Variants in JAKMIP3 observed in about 807,000 individuals in gnomAD.
The protein encoded by JAKMIP3 is janus kinase and microtubule-interacting protein 3.
Under a neutral mutation model 118.5 loss-of-function variants are expected in JAKMIP3, and 58 were observed. That is an observed-to-expected ratio of 0.49 (90% CI 0.40 to 0.61). The LOEUF is 0.61. JAKMIP3 is among the 20% of genes least tolerant of loss of function. JAKMIP3 has a pLI of 0.00. For missense variants in JAKMIP3, 950 were observed against 1,109.0 expected, an observed-to-expected ratio of 0.86 and a Z score of 2.04; for synonymous variants, 486 against 451.2, an observed-to-expected ratio of 1.08 and a Z score of -0.98.
At chr10:132,082,098 T>C (rs536694411) in intron 1 of JAKMIP3, among the ~76,000 whole-genome samples, 1 of 150,850 alleles carries the variant, frequency 6.6e-6, no homozygotes, top group Non-Finnish European at 1.5e-5. Flanking sequence ...ATTTTTATTA[T>C]TTTGCTTCCC....
intron 1 of JAKMIP3, among the ~76,000 whole-genome samples, chr10:132,070,437 C>T (rs567093847): frequency 4.0e-4 from 61 of 152,270 alleles, no homozygotes; most frequent in African/African-American, 1.3e-3. Flanking sequence ...CGTGAGCCAC[C>T]GCGCCCGACC....
intron 23 of JAKMIP3, among the ~76,000 whole-genome samples, chr10:132,170,805 A>G (rs1455265644): frequency 6.6e-6 from 1 of 152,200 alleles, no homozygotes; most frequent in African/African-American, 2.4e-5. Flanking sequence ...CCACAGGCTC[A>G]TTGTGGACAA....
chr10:132,122,839 A>C (rs574515774), intron 3 of JAKMIP3, among the ~76,000 whole-genome samples: 2 of 152,304 alleles, frequency 1.3e-5, no homozygotes, highest in South Asian at 4.1e-4. Flanking sequence ...CTCCCTGCCC[A>C]GAAGGTTGTG....
At position 132,153,842 on chromosome 10, in the gene JAKMIP3, C is replaced by T; in HGVS notation, c.2142+15C>T. 6.2e-7 allele frequency: 1 copy of T among 1,613,088 alleles called. No homozygotes were observed. The highest frequency in any genetic ancestry group is 8.5e-7 in the Non-Finnish European group (1 of 1,179,764). On this transcript the variant is annotated intron_variant, in intron 18 of 23. Coordinates refer to ENST00000684848, the MANE Select transcript of JAKMIP3 (RefSeq NM_001323087.2). ...AGAGCGAGAAGGTTGGTGGCACCTTCACCGAGGTTCTGCGGCTCGGTGCTG... is the reference window on the plus strand; with the variant it reads ...AGAGCGAGAAGGTTGGTGGCACCTTTACCGAGGTTCTGCGGCTCGGTGCTG...
At chr10:132,128,677 T>G (rs528428326) in intron 3 of JAKMIP3, among the ~76,000 whole-genome samples, 167 of 152,360 alleles carry the variant, frequency 1.1e-3, no homozygotes, top group Non-Finnish European at 2.3e-3. Context: ...AGTCTGCTTT[T>G]AAACCTTTGT....
chr10:132,102,747 C>T (rs2045181380), intron 1 of JAKMIP3, among the ~76,000 whole-genome samples: 1 of 152,214 alleles, frequency 6.6e-6, no homozygotes, highest in African/African-American at 2.4e-5. Context: ...GTCCTGCCAC[C>T]TCCGCTGGTC....
At position 132,168,301 on chromosome 10, in the gene JAKMIP3, C is replaced by T. The variant is rs1213826715; in HGVS notation, c.*371C>T. 7.8e-6 allele frequency: 10 copies of T among 1,289,364 alleles called. No homozygotes were observed. Among genetic ancestry groups the T allele is most frequent in the Admixed American group, 2.3e-5 (1 of 43,544 alleles). The allele number at this position is 1,289,364 out of a possible 1,614,324, so 79.9% of individuals were successfully genotyped here. On this transcript the variant is annotated 3_prime_UTR_variant, in exon 23 of 24. Coordinates refer to ENST00000684848, the MANE Select transcript of JAKMIP3 (RefSeq NM_001323087.2). ...GAGAACTGCTTCTGTGCAGAAGCAC[C>T]AGCCGCGGGTCCCCTCCTCTCTCTT... is the stretch of plus-strand genomic sequence containing the variant.
intron 1 of JAKMIP3, among the ~76,000 whole-genome samples, chr10:132,077,153 A>G (rs531325416): frequency 1.3e-5 from 2 of 152,306 alleles, no homozygotes; most frequent in East Asian, 1.9e-4. Context: ...GCTCGTGAGC[A>G]AAAGGGTTTT....
intron 1 of JAKMIP3, among the ~76,000 whole-genome samples, chr10:132,095,083 C>G (rs954841451): frequency 6.6e-6 from 1 of 152,180 alleles, no homozygotes; most frequent in South Asian, 2.1e-4. Context: ...ACTGTGTCCC[C>G]CACAGCAGCC....
At chr10:132,108,000 T>C (rs369928100) in intron 2 of JAKMIP3, among the ~76,000 whole-genome samples, 1 of 152,062 alleles carries the variant, frequency 6.6e-6, no homozygotes, top group Non-Finnish European at 1.5e-5. Flanking sequence ...GCTCCAGGAG[T>C]TGGGTCCGGG....
At position 132,183,066 on chromosome 10, in the gene JAKMIP3, T is replaced by C; in HGVS notation, c.*1813T>C. On this transcript the variant is annotated 3_prime_UTR_variant, in exon 24 of 24. Coordinates refer to ENST00000684848, the MANE Select transcript of JAKMIP3 (RefSeq NM_001323087.2). The stretch of plus-strand genomic sequence containing the variant: ...TTTGCGTCTCGAGTCTGAAATCCTG[T>C]TTAGTCCTCTGTGCATAGTTTTGTC... 6.6e-6 allele frequency: 1 copy of C among 152,212 alleles called. No homozygotes were observed. The allele number at this position is 152,212 out of a possible 1,614,324, so 9.4% of individuals were successfully genotyped here. A position where few individuals can be genotyped will look rare whatever the true frequency, so the allele number is the denominator to read the frequency against.
chr10:132,072,127 C>A (rs1253929711), intron 1 of JAKMIP3, among the ~76,000 whole-genome samples: 1 of 151,850 alleles, frequency 6.6e-6, no homozygotes, highest in African/African-American at 2.4e-5. Context: ...AATTTTTATA[C>A]TTTTAGTTGA....
intron 1 of JAKMIP3, among the ~76,000 whole-genome samples, chr10:132,080,709 A>C (rs2041647958): frequency 6.6e-6 from 1 of 151,550 alleles, no homozygotes; most frequent in African/African-American, 2.4e-5. Context: ...TAGTAGTGAC[A>C]AGGTTTCACC....
At chr10:132,068,575 C>A (rs116018128) in intron 1 of JAKMIP3, among the ~76,000 whole-genome samples, 335 of 152,288 alleles carry the variant, frequency 2.2e-3, no homozygotes, top group African/African-American at 7.8e-3. Context: ...GGGCTTTGAG[C>A]GATGTGAGGT....
chr10:132,116,397 C>T (rs1170661874), intron 2 of JAKMIP3, among the ~76,000 whole-genome samples: 2 of 148,986 alleles, frequency 1.3e-5, no homozygotes, highest in Admixed American at 6.7e-5. Flanking sequence ...TGGACACTCC[C>T]CCCGAATACA....
intron 19 of JAKMIP3, among the ~76,000 whole-genome samples, chr10:132,157,123 A>G (rs543895902): frequency 6.6e-6 from 1 of 152,296 alleles, no homozygotes; most frequent in South Asian, 2.1e-4. Context: ...AAATGTTCAC[A>G]GTAGAAAAGG....
chr10:132,171,652 C>CTTTTT (rs34371364), intron 23 of JAKMIP3, among the ~76,000 whole-genome samples: 9 of 135,756 alleles, frequency 6.6e-5, no homozygotes, highest in African/African-American at 1.4e-4. Flanking sequence ...TTTTTTCTTT[C>CTTTTT]TTTTTTTTTT....
chr10:132,163,529 C>A, intron 20 of JAKMIP3, 117 bp downstream of exon 20: 1 of 859,512 alleles, frequency 1.2e-6, no homozygotes, highest in Non-Finnish European at 1.8e-6. Flanking sequence ...GCCCCACCCT[C>A]CAGTGGCCAC....
intron 23 of JAKMIP3, among the ~76,000 whole-genome samples, chr10:132,171,147 G>A (rs1363711103): frequency 6.6e-6 from 1 of 152,268 alleles, no homozygotes; most frequent in African/African-American, 2.4e-5. Context: ...TACGGAGCGG[G>A]GACTTTGGGC....
Sources: gnomAD v4.1 joint callset for allele counts (sites outside exome capture counted in the v4.1 genomes callset) on GRCh38, gnomAD v4.1.1 for gene constraint, MANE v1.5 for transcripts, NCBI Gene and HGNC (gene_info 2026-07-23, HGNC 2026-07-21) for gene names.